The following CECR2 variants were observed in gnomAD, a reference collection of about 807,000 sequenced individuals.
The protein encoded by CECR2 is CECR2 histone acetyl-lysine reader, also known as chromatin remodeling regulator CECR2.
In CECR2, 30 loss-of-function variants were observed where a neutral mutation model predicts 154.5. The observed-to-expected ratio is 0.19, with a 90% CI of 0.15 to 0.26. The LOEUF is 0.26. Among genes scored for constraint, CECR2 ranks in the 10% least tolerant of loss-of-function variants. The pLI is 1.00. For synonymous variants in CECR2, 725 were observed against 683.7 expected (o/e 1.06, Z -0.94); for missense variants, 1,743 against 1,829.3 (o/e 0.95, Z 0.86).
At chr22:17,450,548 C>T (rs1210799861) in intron 1 of CECR2, among the ~76,000 whole-genome samples, 1 of 152,216 alleles carries the variant, frequency 6.6e-6, no homozygotes, top group Non-Finnish European at 1.5e-5. Context: ...GGATTACAGG[C>T]GTGAGCCCAC....
chr22:17,469,907 T>G (rs1333680993), intron 1 of CECR2, among the ~76,000 whole-genome samples: 1 of 152,116 alleles, frequency 6.6e-6, no homozygotes, highest in Non-Finnish European at 1.5e-5. Context: ...AGGTTACTGG[T>G]TTTTTGCCTG....
At chr22:17,446,434 C>A (rs1036036945) in intron 1 of CECR2, among the ~76,000 whole-genome samples, 15 of 152,086 alleles carry the variant, frequency 9.9e-5, no homozygotes, top group African/African-American at 2.9e-4. Flanking sequence ...GTGGTGTGGA[C>A]CCCCAGGGCG....
intron 1 of CECR2, among the ~76,000 whole-genome samples, chr22:17,397,168 G>T (rs370325692): frequency 2.6e-5 from 4 of 151,646 alleles, no homozygotes; most frequent in Admixed American, 1.3e-4. Flanking sequence ...ACAGATTCTG[G>T]CTCTGTCGCC....
chr22:17,471,630 G>T (rs189714636), intron 1 of CECR2, among the ~76,000 whole-genome samples: 147 of 152,130 alleles, frequency 9.7e-4, no homozygotes, highest in East Asian at 3.3e-3. Context: ...CTGCCTCCCG[G>T]GTTCAGGCGA....
At chr22:17,405,378 C>T (rs1188727157) in intron 1 of CECR2, among the ~76,000 whole-genome samples, 6 of 148,694 alleles carry the variant, frequency 4.0e-5, no homozygotes, top group African/African-American at 1.5e-4. Context: ...CGCCATGGCA[C>T]TCCAGCATGG....
intron 1 of CECR2, among the ~76,000 whole-genome samples, chr22:17,385,791 AAC>A (rs2063252023): frequency 6.6e-6 from 1 of 152,216 alleles, no homozygotes; most frequent in African/African-American, 2.4e-5. Context: ...AGTAAAGGGA[AAC>A]ACAGTACAAC....
intron 1 of CECR2, among the ~76,000 whole-genome samples, chr22:17,411,023 A>C (rs1008888675): frequency 6.6e-6 from 1 of 152,054 alleles, no homozygotes; most frequent in African/African-American, 2.4e-5. Flanking sequence ...CCTAGCAGTT[A>C]ATAGGAAGCC....
intron 1 of CECR2, among the ~76,000 whole-genome samples, chr22:17,469,431 C>T (rs5747190): frequency 6.6e-6 from 1 of 152,006 alleles, no homozygotes; most frequent in African/African-American, 2.4e-5. Flanking sequence ...TTAGTTTCGA[C>T]GGGGTCATTT....
At chr22:17,468,468 C>T (rs996378304) in intron 1 of CECR2, among the ~76,000 whole-genome samples, 12 of 152,026 alleles carry the variant, frequency 7.9e-5, no homozygotes, top group Admixed American at 7.9e-4. Flanking sequence ...TTGTTTGAGG[C>T]CAGGAGTTGA....
At chr22:17,479,649 G>T (rs1453174910) in intron 2 of CECR2, among the ~76,000 whole-genome samples, 2 of 151,684 alleles carry the variant, frequency 1.3e-5, no homozygotes, top group Non-Finnish European at 2.9e-5. Flanking sequence ...CCAGATAGTG[G>T]TTACAAAGTT....
chr22:17,513,279 C>T (rs764032107), intron 8 of CECR2, among the ~76,000 whole-genome samples: 20 of 152,284 alleles, frequency 1.3e-4, no homozygotes, highest in Admixed American at 2.6e-4. Flanking sequence ...ACTCTTTCAT[C>T]GAATATTTAA....
rs58874516 is a variant in CECR2, at chr22:17,405,639, CAAAAAAAA to C, written c.126+35750_126+35757del. On this transcript the variant is annotated intron_variant, in intron 1 of 18. Coordinates refer to ENST00000262608, the MANE Select transcript of CECR2 (RefSeq NM_001290047.2). ...TGGGCAAAAGAGTGAGACTCCATCT[CAAAAAAAA>C]AAAAAAAAAAAAAAAAAAATTTTCA... 4.6e-4 allele frequency among the ~76,000 whole-genome samples: 33 copies of C among 72,336 alleles called. 1 individual carries two copies. The highest frequency in any genetic ancestry group is 0.014 in the Middle Eastern group (1 of 72). 47.5% of individuals were successfully genotyped at this position (72,336 alleles called of 152,430 possible). A position where few individuals can be genotyped will look rare whatever the true frequency, so the allele number is the denominator to read the frequency against.
chr22:17,461,832 G>A (rs1055964190), intron 1 of CECR2, among the ~76,000 whole-genome samples: 35 of 146,290 alleles, frequency 2.4e-4, no homozygotes, highest in Admixed American at 2.2e-3. Flanking sequence ...TCGCTCTGTC[G>A]CCCAGGCTGG....
At chr22:17,380,640 C>T (rs1333329885) in intron 1 of CECR2, among the ~76,000 whole-genome samples, 1 of 152,172 alleles carries the variant, frequency 6.6e-6, no homozygotes, top group Non-Finnish European at 1.5e-5. Context: ...CTCCCTTGCT[C>T]CTCCCCACCC....
intron 1 of CECR2, among the ~76,000 whole-genome samples, chr22:17,460,779 T>C (rs2522284): frequency 0.13 from 19,198 of 152,162 alleles, 1,266 homozygotes; most frequent in Non-Finnish European, 0.14. Flanking sequence ...CAGCCTATCT[T>C]TTCACATCAC....
chr22:17,464,505 T>C (rs2054994056), intron 1 of CECR2, among the ~76,000 whole-genome samples: 1 of 152,168 alleles, frequency 6.6e-6, no homozygotes, highest in East Asian at 1.9e-4. Flanking sequence ...TTTTTTTTCT[T>C]TTGAGGCAAG....
chr22:17,364,781 C>T (rs1007745994), upstream of CECR2, among the ~76,000 whole-genome samples: 3 of 152,152 alleles, frequency 2.0e-5, no homozygotes, highest in African/African-American at 7.2e-5. Flanking sequence ...GAGCTGAGAT[C>T]ACACCACTGC....
intron 1 of CECR2, among the ~76,000 whole-genome samples, chr22:17,442,251 G>T (rs1283678819): frequency 6.6e-6 from 1 of 152,112 alleles, no homozygotes; most frequent in East Asian, 1.9e-4. Flanking sequence ...GGAATCCATG[G>T]TGAGGGAAGC....
intron 1 of CECR2, among the ~76,000 whole-genome samples, chr22:17,390,600 T>A (rs556350651): frequency 2.6e-5 from 4 of 152,326 alleles, no homozygotes; most frequent in African/African-American, 7.2e-5. Context: ...CCATAAAGTT[T>A]AAGCGTTTGA....
Sources: allele counts gnomAD v4.1 joint callset (sites outside exome capture counted in the v4.1 genomes callset), GRCh38; gene constraint gnomAD v4.1.1; transcripts MANE v1.5; gene names NCBI Gene and HGNC (gene_info 2026-07-23, HGNC 2026-07-21).